Variants in GGNBP2 observed in about 807,000 individuals in gnomAD.
GGNBP2 encodes gametogenetin binding protein 2.
GGNBP2 carries 10 observed loss-of-function variants against 85.9 expected under a neutral mutation model. The observed-to-expected ratio is 0.12, with a 90% CI of 0.07 to 0.20. GGNBP2 has a LOEUF of 0.20. Ranked by LOEUF, GGNBP2 falls within the 10% of genes least tolerant of loss-of-function variation. The pLI is 1.00. For missense variants in GGNBP2, 595 were observed against 857.8 expected (o/e 0.69, Z 3.83); for synonymous variants, 287 against 285.7 (o/e 1.00, Z -0.05).
intron 11 of GGNBP2, 22 bp from the exon 12 acceptor site, chr17:36,586,025 TAAG>T (rs2074697450): frequency 6.2e-7 from 1 of 1,613,412 alleles, no homozygotes; most frequent in Non-Finnish European, 8.5e-7. Flanking sequence ...AGAACATAAA[TAAG>T]AAGGATTATT....
chr17:36,575,648 A>ATATATATTTTTTTT (rs374366757), intron 6 of GGNBP2, among the ~76,000 whole-genome samples: 1 of 54,914 alleles, frequency 1.8e-5, no homozygotes, highest in African/African-American at 1.1e-4. Context: ...ATATATATAT[A>ATATATATTTTTTTT]TTTTTTTTTT....
intron 13 of GGNBP2, among the ~76,000 whole-genome samples, chr17:36,587,756 G>A (rs530855418): frequency 7.5e-4 from 114 of 152,256 alleles, no homozygotes; most frequent in South Asian, 6.4e-3. Flanking sequence ...GCATGGTGGC[G>A]TGTGCCAGTA....
intron 5 of GGNBP2, among the ~76,000 whole-genome samples, chr17:36,564,210 T>G (rs1022805144): frequency 4.6e-5 from 7 of 152,216 alleles, no homozygotes; most frequent in African/African-American, 1.7e-4. Flanking sequence ...CCTAAAGTGG[T>G]ATGATACAGT....
At position 36,578,086 on chromosome 17, in the gene GGNBP2, G is replaced by C. The variant is rs761707709; in HGVS notation, c.745G>C (p.Gly249Arg). 6.2e-7 allele frequency: 1 copy of C among 1,614,172 alleles called. No homozygotes were observed. Among genetic ancestry groups the C allele is most frequent in the Admixed American group, 1.7e-5 (1 of 60,016 alleles). Residue 249 changes from glycine (G) to arginine (R), a missense_variant, in exon 7 of 14, where the codon GGC (glycine) becomes CGC (arginine). Gly to Arg is a moderately radical substitution (Grantham distance 125, BLOSUM62 -2). Around this residue, in one of 9 missense-constraint regions of GGNBP2, gnomAD observed 92 missense variants for 183.9 expected, o/e 0.50. Transcript: ENST00000613102. The stretch of plus-strand genomic sequence containing the variant: ...GGGCTACTGTGCTGCACTTTATGAA[G>C]GCTTGCGGTGCTGTCCACATGAACG... ...EKGYCAALYE[G>R]LRCCPHERHI... is the part of the protein sequence containing the mutation.
chr17:36,570,288 G>A (rs918268123), intron 6 of GGNBP2, among the ~76,000 whole-genome samples: 2 of 152,108 alleles, frequency 1.3e-5, no homozygotes, highest in African/African-American at 4.8e-5. Flanking sequence ...TGAGGTGAGA[G>A]TATCACTTGA....
intron 2 of GGNBP2, among the ~76,000 whole-genome samples, chr17:36,549,842 GT>G (rs1422698981): frequency 6.6e-6 from 1 of 151,948 alleles, no homozygotes; most frequent in Non-Finnish European, 1.5e-5. Context: ...GCATTAAAAT[GT>G]TTTCTCAGGC....
intron 3 of GGNBP2, 86 bp downstream of exon 3, chr17:36,554,986 G>A (rs2142700116): frequency 1.3e-6 from 1 of 786,410 alleles, no homozygotes; most frequent in South Asian, 1.5e-5. Context: ...ATTTTATATA[G>A]GATTCTCTAG....
At chr17:36,560,004 T>C (rs1226549771) in intron 4 of GGNBP2, among the ~76,000 whole-genome samples, 3 of 152,018 alleles carry the variant, frequency 2.0e-5, no homozygotes, top group African/African-American at 7.3e-5. Flanking sequence ...CTGTCTAATT[T>C]TTGTATTTTT....
chr17:36,557,033 A>T, intron 3 of GGNBP2, 50 bp from the exon 4 acceptor site: 1 of 1,607,560 alleles, frequency 6.2e-7, no homozygotes, highest in East Asian at 2.2e-5. Flanking sequence ...TGAAAGTGTA[A>T]TTTTACGTCT....
chr17:36,574,649 G>T, intron 6 of GGNBP2: 2 of 585,144 alleles, frequency 3.4e-6, no homozygotes, highest in East Asian at 3.0e-5. Context: ...ACCCAGGGCG[G>T]CAGTGTAGCC....
chr17:36,554,420 T>C (rs1599502436), intron 2 of GGNBP2, among the ~76,000 whole-genome samples: 1 of 124,648 alleles, frequency 8.0e-6, no homozygotes, highest in Non-Finnish European at 1.6e-5. Flanking sequence ...CAGGCTGGAG[T>C]GCAGTGGTGC....
Position 36,586,056 on chromosome 17 carries a change from A to G in GGNBP2, c.1499A>G (p.Asp500Gly). ...GGATTATTGATTTCTGCAGGTGATG[A>G]CTCTTGTGTTCATCACTGTGAAGAC... ...GICNHDEHGD[D>G]SCVHHCEDKE... Residue 500 changes from aspartate (D) to glycine (G), a missense_variant, in exon 12 of 14, where the codon GAC (aspartate) becomes GGC (glycine). By Grantham distance (94) the Asp-to-Gly change is moderately conservative. Transcript: ENST00000613102. 3 of 1,613,866 alleles carry G rather than the reference A, an allele frequency of 1.9e-6. No individual in the cohort carries two copies. The highest frequency in any genetic ancestry group is 2.5e-6 in the Non-Finnish European group (3 of 1,179,874).
At chr17:36,556,751 CTTTTTTTTTTTTTTTT>C (rs10544073) in intron 3 of GGNBP2, among the ~76,000 whole-genome samples, 5 of 52,818 alleles carry the variant, frequency 9.5e-5, no homozygotes, top group Admixed American at 2.7e-4. Context: ...CTGTATTGTG[CTTTTTTTTTTTTTTTT>C]TTTTTTTTTT....
chr17:36,579,459 G>C (rs1482662262), intron 8 of GGNBP2, 40 bp downstream of exon 8: 1 of 1,569,130 alleles, frequency 6.4e-7, no homozygotes, highest in Non-Finnish European at 8.8e-7. Context: ...AGATTGCTTA[G>C]TCACGTTATT....
chr17:36,571,086 G>A (rs1239255121), intron 6 of GGNBP2, among the ~76,000 whole-genome samples: 1 of 152,138 alleles, frequency 6.6e-6, no homozygotes, highest in Non-Finnish European at 1.5e-5. Context: ...AGGCTGAGAC[G>A]TGATAGAACA....
At chr17:36,546,279 G>T (rs1046475514) in intron 2 of GGNBP2, 1 of 260,710 alleles carries the variant, frequency 3.8e-6, no homozygotes, top group East Asian at 6.8e-5. Flanking sequence ...ATTACTGGGG[G>T]CAGAGTGACA....
chr17:36,576,110 G>A (rs1341306055), intron 6 of GGNBP2, among the ~76,000 whole-genome samples: 1 of 142,818 alleles, frequency 7.0e-6, no homozygotes, highest in Non-Finnish European at 1.5e-5. Flanking sequence ...GGCTGAGGTG[G>A]AGGGATCACT....
intron 5 of GGNBP2, among the ~76,000 whole-genome samples, chr17:36,564,184 A>C (rs1335289414): frequency 6.6e-6 from 1 of 152,186 alleles, no homozygotes; most frequent in East Asian, 1.9e-4. Context: ...ATTAGAGATG[A>C]CCTGTTGGCT....
intron 2 of GGNBP2, among the ~76,000 whole-genome samples, chr17:36,547,937 A>G (rs1429582933): frequency 6.6e-6 from 1 of 152,256 alleles, no homozygotes; most frequent in Non-Finnish European, 1.5e-5. Context: ...ATATTCTACC[A>G]AATACTACTG....
Sources: gnomAD v4.1 joint callset for allele counts (sites outside exome capture counted in the v4.1 genomes callset) on GRCh38, gnomAD v4.1.1 for gene constraint, gnomAD v4.1.1 regional missense constraint, MANE v1.5 for transcripts, NCBI Gene and HGNC (gene_info 2026-07-23, HGNC 2026-07-21) for gene names.